Variants in RSPO2 observed in about 807,000 individuals in gnomAD.
RSPO2 encodes the protein R-spondin-2.
A neutral mutation model predicts 30.9 loss-of-function variants in RSPO2; 14 were observed. The observed-to-expected ratio is 0.45, with a 90% CI of 0.30 to 0.71. The LOEUF is 0.71. Ranked by LOEUF, RSPO2 falls within the 30% of genes least tolerant of loss-of-function variation. RSPO2 has a pLI of 0.08. For missense variants in RSPO2, 264 were observed against 301.9 expected, an observed-to-expected ratio of 0.87 and a Z score of 0.93; for synonymous variants, 107 against 96.4, an observed-to-expected ratio of 1.11 and a Z score of -0.64.
intron 2 of RSPO2, among the ~76,000 whole-genome samples, chr8:108,069,672 T>C (rs890070653): frequency 6.6e-6 from 1 of 152,224 alleles, no homozygotes; most frequent in Admixed American, 6.5e-5. Context: ...GTGGTTAGCC[T>C]ACCACCTGTC....
At chr8:107,937,535 A>AT (rs1554574006) in intron 5 of RSPO2, among the ~76,000 whole-genome samples, 2 of 149,482 alleles carry the variant, frequency 1.3e-5, no homozygotes, top group African/African-American at 2.5e-5. Flanking sequence ...ATCTGAAGGC[A>AT]TTTTTTTTCC....
intron 5 of RSPO2, among the ~76,000 whole-genome samples, chr8:107,945,499 C>T (rs1208093356): frequency 2.0e-5 from 3 of 151,952 alleles, no homozygotes; most frequent in Non-Finnish European, 4.4e-5. Flanking sequence ...CTGCCTGCCT[C>T]GGCCTCCCAA....
chr8:107,932,900 CCTT>C (rs1441492455), intron 5 of RSPO2, among the ~76,000 whole-genome samples: 1 of 152,038 alleles, frequency 6.6e-6, no homozygotes, highest in Non-Finnish European at 1.5e-5. Context: ...ATTTCTGAAA[CCTT>C]ATGCTAAATC....
In RSPO2 at chr8:108,056,745, TA is replaced by T. The variant is rs1486975470; in HGVS notation, c.94+25799del. On this transcript the variant is annotated intron_variant, in intron 2 of 5. Transcript: ENST00000276659. ...GTATTAACTGGTATTTCTAGTTCCA[TA>T]AATGATTCCTAAGATAAAAAAGATG... is the stretch of plus-strand genomic sequence containing the variant. Among the ~76,000 whole-genome samples the T allele has an allele frequency of 7.3e-5, 11 of 151,108 alleles. 1 individual carries two copies. Among genetic ancestry groups the T allele is most frequent in the African/African-American group, 2.7e-4 (11 of 41,266 alleles).
Position 107,949,321 on chromosome 8 carries a change from C to A in RSPO2, c.616+8759G>T, listed in dbSNP as rs1807850155. On this transcript the variant is annotated intron_variant, in intron 5 of 5. Coordinates refer to ENST00000276659, the MANE Select transcript of RSPO2 (RefSeq NM_178565.5). Reference sequence around the variant, plus strand: ...GTCTCTAACTCCACCCAGGTTGCTGCAAATGCCATTATTTCATTCCTTTTT... The same window carrying A: ...GTCTCTAACTCCACCCAGGTTGCTGAAAATGCCATTATTTCATTCCTTTTT... Among the ~76,000 whole-genome samples, 3 of 152,152 alleles carry A rather than the reference C, an allele frequency of 2.0e-5. No individual in the cohort carries two copies. The South Asian group carries it at 6.2e-4, about 32-fold the overall frequency.
intron 5 of RSPO2, among the ~76,000 whole-genome samples, chr8:107,952,887 T>C: frequency 6.6e-6 from 1 of 152,160 alleles, no homozygotes. Context: ...TTTCTTTTGT[T>C]TCCTACCAAG....
rs1254015461 is a variant in RSPO2 at position 107,958,138 on chromosome 8, C to T, written c.558G>A (p.Leu186=). ...IVKKPVKDTI[L]CPTIAESRRC... ...TCCTGGATTCAGCAATGGTTGGACA[C>T]AGTATTGTGTCTTTCACTGGCTTTT... The change falls in exon 5 of 6, where the codon CTG becomes CTA. Residue 186 remains leucine (L), a synonymous_variant. Coordinates refer to ENST00000276659, the MANE Select transcript of RSPO2 (RefSeq NM_178565.5). 21 of 1,613,682 alleles carry T rather than the reference C, an allele frequency of 1.3e-5. No homozygotes were observed. The highest frequency in any genetic ancestry group is 1.7e-5 in the Non-Finnish European group (20 of 1,179,788).
intron 3 of RSPO2, among the ~76,000 whole-genome samples, chr8:107,967,017 T>C (rs1269903099): frequency 6.6e-6 from 1 of 152,046 alleles, no homozygotes; most frequent in East Asian, 1.9e-4. Flanking sequence ...ACTGCTCTTA[T>C]TTTAAACTAG....
chr8:108,045,518 C>T (rs1028345596), intron 2 of RSPO2, among the ~76,000 whole-genome samples: 55 of 152,142 alleles, frequency 3.6e-4, no homozygotes, highest in Non-Finnish European at 5.7e-4. Flanking sequence ...TTCAAACATT[C>T]GGAGAACATT....
intron 3 of RSPO2, among the ~76,000 whole-genome samples, chr8:107,963,888 C>G (rs369237176): frequency 6.6e-6 from 1 of 152,048 alleles, no homozygotes; most frequent in Non-Finnish European, 1.5e-5. Flanking sequence ...ATGAATTATA[C>G]CCCTGATTTA....
chr8:108,040,728 G>C (rs547397606), intron 2 of RSPO2, among the ~76,000 whole-genome samples: 1 of 152,146 alleles, frequency 6.6e-6, no homozygotes, highest in South Asian at 2.1e-4. Flanking sequence ...AATTAGTTAC[G>C]AGACTTTTGC....
intron 2 of RSPO2, among the ~76,000 whole-genome samples, chr8:108,046,437 AACC>A (rs1240273693): frequency 6.6e-6 from 1 of 152,140 alleles, no homozygotes; most frequent in African/African-American, 2.4e-5. Context: ...TGGTAGACTA[AACC>A]ATTAAGATGT....
chr8:107,920,695 A>G (rs901105089), intron 5 of RSPO2, among the ~76,000 whole-genome samples: 1 of 152,116 alleles, frequency 6.6e-6, no homozygotes, highest in Non-Finnish European at 1.5e-5. Context: ...TTTATTTTAG[A>G]AGTAGAAATT....
intron 2 of RSPO2, among the ~76,000 whole-genome samples, chr8:108,066,095 C>G (rs927100011): frequency 1.3e-5 from 2 of 152,056 alleles, no homozygotes; most frequent in African/African-American, 4.8e-5. Context: ...CAGAAACAGA[C>G]AAGCCTGATG....
chr8:107,991,917 C>T (rs1384049272), intron 2 of RSPO2, among the ~76,000 whole-genome samples: 7 of 152,146 alleles, frequency 4.6e-5, no homozygotes, highest in African/African-American at 1.2e-4. Context: ...GAAAAAGAAA[C>T]GCTTATATAC....
At chr8:108,081,748 G>A (rs1283659605) in intron 2 of RSPO2, 6 of 214,530 alleles carry the variant, frequency 2.8e-5, no homozygotes, top group Non-Finnish European at 4.8e-5. Context: ...GTGATGGAGA[G>A]GGAGGGAGCA....
At chr8:107,972,780 T>C (rs1814046201) in intron 3 of RSPO2, among the ~76,000 whole-genome samples, 1 of 152,180 alleles carries the variant, frequency 6.6e-6, no homozygotes, top group Non-Finnish European at 1.5e-5. Flanking sequence ...TAGGATGCTA[T>C]TATTCCAGAG....
At chr8:108,026,771 C>T (rs1811232720) in intron 2 of RSPO2, among the ~76,000 whole-genome samples, 1 of 151,908 alleles carries the variant, frequency 6.6e-6, no homozygotes, top group South Asian at 2.1e-4. Flanking sequence ...GAGACTGAGG[C>T]AGGAGAATCG....
chr8:108,002,449 T>C (rs1316267658), intron 2 of RSPO2, among the ~76,000 whole-genome samples: 3 of 152,212 alleles, frequency 2.0e-5, no homozygotes, highest in Non-Finnish European at 4.4e-5. Flanking sequence ...GTCTGACCTA[T>C]CCAACTGCCT....
Sources: gnomAD v4.1 joint callset for allele counts (sites outside exome capture counted in the v4.1 genomes callset) on GRCh38, gnomAD v4.1.1 for gene constraint, MANE v1.5 for transcripts, NCBI Gene and HGNC (gene_info 2026-07-23, HGNC 2026-07-21) for gene names.